The following ASH1L variants were observed in gnomAD, a reference collection of about 807,000 sequenced individuals.
ASH1L encodes the protein ASH1 like histone lysine methyltransferase, also known as histone-lysine N-methyltransferase ASH1L.
A neutral mutation model predicts 269.0 loss-of-function variants in ASH1L; 23 were observed. The ratio of observed to expected loss-of-function variants is 0.09; its 90% confidence interval spans 0.06 to 0.12. The LOEUF is 0.12. ASH1L is among the 10% of genes least tolerant of loss of function. The pLI is 1.00. For synonymous variants in ASH1L, 1,187 were observed against 1,253.5 expected (o/e 0.95, Z 1.12); for missense variants, 2,912 against 3,567.8 (o/e 0.82, Z 4.68).
intron 1 of ASH1L, among the ~76,000 whole-genome samples, chr1:155,555,198 CTTAAAA>C (rs914494949): frequency 1.3e-4 from 19 of 149,716 alleles, no homozygotes; most frequent in Non-Finnish European, 1.9e-4. Flanking sequence ...CTTTCTTCCT[CTTAAAA>C]TTAAACACAC....
chr1:155,368,155 T>A (rs1655606879), intron 12 of ASH1L, among the ~76,000 whole-genome samples: 1 of 152,088 alleles, frequency 6.6e-6, no homozygotes, highest in Non-Finnish European at 1.5e-5. Context: ...CCAGCTAATA[T>A]TTAAATTTTA....
In ASH1L at chr1:155,482,188, G is replaced by T; in HGVS notation, c.682C>A (p.Pro228Thr). The T allele has an allele frequency of 6.2e-7, 1 of 1,614,176 alleles. No homozygotes were observed. The highest frequency in any genetic ancestry group is 8.5e-7 in the Non-Finnish European group (1 of 1,180,014). Residue 228 changes from proline (P) to threonine (T), a missense_variant, in exon 3 of 28, where the codon CCT (proline) becomes ACT (threonine). Physicochemically the swap from Pro to Thr is conservative, Grantham distance 38. Around this residue, in one of 13 missense-constraint regions of ASH1L, gnomAD observed 277 missense variants for 367.7 expected, o/e 0.75. Transcript: ENST00000392403. Reference protein sequence around the residue: ...EKLAQLIATCPPSKSSKTKPK... With the variant: ...EKLAQLIATCTPSKSSKTKPK... ...TTTGTCTTGGAAGACTTGGAAGGAG[G>T]ACAGGTAGCAATCAGCTGTGCCAAC...
chr1:155,417,090 C>A (rs1056556432), intron 5 of ASH1L, among the ~76,000 whole-genome samples: 1 of 151,954 alleles, frequency 6.6e-6, no homozygotes, highest in South Asian at 2.1e-4. Flanking sequence ...TGCCACCACA[C>A]CCAGCTTATT....
intron 8 of ASH1L, 121 bp downstream of exon 8, chr1:155,379,921 AG>A (rs976432522): frequency 1.4e-6 from 1 of 694,832 alleles, no homozygotes; most frequent in African/African-American, 1.8e-5. Context: ...TAACCTTCAC[AG>A]GGACACTTCT....
At chr1:155,426,402 C>T (rs757521774) in intron 5 of ASH1L, among the ~76,000 whole-genome samples, 34 of 151,946 alleles carry the variant, frequency 2.2e-4, no homozygotes, top group Non-Finnish European at 3.5e-4. Context: ...GGGGTTTCAC[C>T]GTGTTAGCCA....
chr1:155,448,889 A>G (rs1663239445), intron 4 of ASH1L, among the ~76,000 whole-genome samples: 1 of 151,392 alleles, frequency 6.6e-6, no homozygotes, highest in Admixed American at 6.6e-5. Flanking sequence ...GTGTTTAATA[A>G]TCTCAGCTAT....
At chr1:155,548,766 T>C (rs570428843) in intron 1 of ASH1L, among the ~76,000 whole-genome samples, 6 of 152,310 alleles carry the variant, frequency 3.9e-5, no homozygotes, top group African/African-American at 1.4e-4. Context: ...CTCTGGGTAA[T>C]TTCATCAAGT....
At chr1:155,522,392 A>C (rs1452416449) in intron 1 of ASH1L, among the ~76,000 whole-genome samples, 1 of 152,228 alleles carries the variant, frequency 6.6e-6, no homozygotes, top group East Asian at 1.9e-4. Flanking sequence ...CTAAATTTTA[A>C]GGTTTATACT....
At chr1:155,542,466 G>T (rs1558209235) in intron 1 of ASH1L, among the ~76,000 whole-genome samples, 1 of 151,654 alleles carries the variant, frequency 6.6e-6, no homozygotes, top group Non-Finnish European at 1.5e-5. Context: ...GGAGAATGGC[G>T]TGAACCTGAG....
chr1:155,518,010 C>T lies in ASH1L; in HGVS notation c.420+3090G>A, dbSNP rs989778525. 1.1e-4 allele frequency among the ~76,000 whole-genome samples: 16 copies of T among 151,720 alleles called. No individual in the cohort carries two copies. The East Asian group carries it at 1.2e-3, about 11-fold the overall frequency. On this transcript the variant is annotated intron_variant, in intron 2 of 27. Transcript: ENST00000392403. ...AGAGACAGGGTTTCACCGTTTTAGCCGGGATGGTCTCGATCTCCTGACCTC... is the reference window on the plus strand; with the variant it reads ...AGAGACAGGGTTTCACCGTTTTAGCTGGGATGGTCTCGATCTCCTGACCTC...
intron 5 of ASH1L, among the ~76,000 whole-genome samples, chr1:155,436,640 G>GCA (rs1179778989): frequency 6.6e-6 from 1 of 151,594 alleles, no homozygotes; most frequent in African/African-American, 2.4e-5. Flanking sequence ...GGGATTACAG[G>GCA]CACACACCAC....
rs779503979 is a variant in ASH1L at position 155,562,516 on chromosome 1, C to G, written c.-463G>C. On this transcript the variant is annotated 5_prime_UTR_variant, in exon 1 of 28. Transcript: ENST00000392403. ...GGGAGCGAAGGGCGCCTAGCGCCCC[C>G]CTCAACCTTCCACTCCTTCCTCCTT... 6.6e-7 allele frequency: 1 copy of G among 1,512,306 alleles called. No individual in the cohort carries two copies. The highest frequency in any genetic ancestry group is 2.5e-5 in the East Asian group (1 of 40,556). 93.7% of individuals were successfully genotyped at this position (1,512,306 alleles called of 1,614,324 possible). A position where few individuals can be genotyped will look rare whatever the true frequency, so the allele number is the denominator to read the frequency against.
chr1:155,344,087 C>T, intron 22 of ASH1L, 96 bp downstream of exon 22: 3 of 1,077,028 alleles, frequency 2.8e-6, no homozygotes, highest in Non-Finnish European at 4.2e-6. Flanking sequence ...CTATTCGAGG[C>T]CGTATGGAGA....
In ASH1L at chr1:155,352,867, A is replaced by G; in HGVS notation, c.7214-9T>C. ...CTGGGTCATGAAGACATCTGGAAAA[A>G]TAAAGTGAAAATTAAGTTACAGGAA... On this transcript the variant is annotated splice_polypyrimidine_tract_variant and intron_variant, in intron 16 of 27. Transcript: ENST00000392403. The G allele has an allele frequency of 6.3e-7, 1 of 1,584,240 alleles. No homozygotes were observed. The highest frequency in any genetic ancestry group is 8.6e-7 in the Non-Finnish European group (1 of 1,168,636).
intron 5 of ASH1L, among the ~76,000 whole-genome samples, chr1:155,429,266 TTTTG>T (rs1418657097): frequency 2.0e-4 from 30 of 152,240 alleles, no homozygotes; most frequent in African/African-American, 5.3e-4. Context: ...CTGTAATTAA[TTTTG>T]TTTGTTTGTT....
chr1:155,391,160 G>C (rs7527209), intron 7 of ASH1L, among the ~76,000 whole-genome samples: 3,113 of 152,074 alleles, frequency 0.02, 104 homozygotes, highest in African/African-American at 0.072. Flanking sequence ...TGGCCAGGCT[G>C]GTCTCGAACT....
Position 155,336,568 on chromosome 1 carries a change from G to A in ASH1L, c.*1092C>T, listed in dbSNP as rs536573244. 13 of 152,752 alleles carry A rather than the reference G, an allele frequency of 8.5e-5. No individual in the cohort carries two copies. The highest frequency in any genetic ancestry group is 2.6e-4 in the African/African-American group (11 of 41,538). The allele number at this position is 152,752 out of a possible 1,614,324, so 9.5% of individuals were successfully genotyped here. ...TAACTTCTGGTCAAGAGAGTAGGAAGGAAGGAGACACCCTGGATATACCTC... is the reference window on the plus strand; with the variant it reads ...TAACTTCTGGTCAAGAGAGTAGGAAAGAAGGAGACACCCTGGATATACCTC... On this transcript the variant is annotated 3_prime_UTR_variant, in exon 28 of 28. Transcript: ENST00000392403.
At chr1:155,355,524 T>C (rs2148363322) in intron 15 of ASH1L, among the ~76,000 whole-genome samples, 1 of 152,342 alleles carries the variant, frequency 6.6e-6, no homozygotes, top group South Asian at 2.1e-4. Flanking sequence ...AGACTAATTT[T>C]CTAGTTCCTG....
At chr1:155,525,228 C>A (rs1406337084) in intron 1 of ASH1L, among the ~76,000 whole-genome samples, 1 of 152,034 alleles carries the variant, frequency 6.6e-6, no homozygotes, top group Admixed American at 6.6e-5. Flanking sequence ...GCCCGGGCAA[C>A]AGAGCGAGAC....
Sources: gnomAD v4.1 joint callset for allele counts (sites outside exome capture counted in the v4.1 genomes callset) on GRCh38, gnomAD v4.1.1 for gene constraint, gnomAD v4.1.1 regional missense constraint, MANE v1.5 for transcripts, NCBI Gene and HGNC (gene_info 2026-07-23, HGNC 2026-07-21) for gene names.